ANO3: variants seen among roughly 807,000 people sequenced by gnomAD.
ANO3 encodes anoctamin 3, also known as anoctamin-3.
Under a neutral mutation model 144.8 loss-of-function variants are expected in ANO3, and 99 were observed. That is an observed-to-expected ratio of 0.68 (90% CI 0.58 to 0.81). ANO3 has a LOEUF of 0.81. Among genes scored for constraint, ANO3 ranks in the 30% least tolerant of loss-of-function variants. The probability of loss-of-function intolerance (pLI) is 0.00; values close to 1 mark genes in which losing one functional copy is unlikely to be tolerated. For synonymous variants in ANO3, 414 were observed against 392.6 expected, an observed-to-expected ratio of 1.05 and a Z score of -0.64; for missense variants, 905 against 1,202.2, an observed-to-expected ratio of 0.75 and a Z score of 3.66.
At chr11:26,196,359 T>C (rs928412480) in intron 1 of ANO3, among the ~76,000 whole-genome samples, 4 of 152,160 alleles carry the variant, frequency 2.6e-5, no homozygotes, top group African/African-American at 9.7e-5. Flanking sequence ...CTTATCTGAT[T>C]CCACAGTAGA....
chr11:26,405,812 A>C (rs7102859), intron 1 of ANO3, among the ~76,000 whole-genome samples: 95,146 of 151,740 alleles, frequency 0.63, 32,355 homozygotes, highest in Admixed American at 0.78. Flanking sequence ...TCCCTGAGAG[A>C]AGTAGTTTTC....
At chr11:26,202,447 A>T (rs1180020424) in intron 1 of ANO3, among the ~76,000 whole-genome samples, 2 of 150,888 alleles carry the variant, frequency 1.3e-5, no homozygotes, top group Admixed American at 6.7e-5. Context: ...TAGTGGGAAG[A>T]CAGCCACTTA....
chr11:26,639,343 A>G, intron 21 of ANO3, 102 bp downstream of exon 21: 1 of 779,886 alleles, frequency 1.3e-6, no homozygotes, highest in Non-Finnish European at 2.2e-6. Flanking sequence ...TAATCAGACA[A>G]ATGATGGCTC....
chr11:26,468,235 G>T (rs890202332), intron 4 of ANO3, among the ~76,000 whole-genome samples: 1 of 151,958 alleles, frequency 6.6e-6, no homozygotes. Context: ...GCTCAGCTGC[G>T]TAGCTCTTTC....
intron 1 of ANO3, among the ~76,000 whole-genome samples, chr11:26,391,510 G>A (rs1856878173): frequency 6.6e-6 from 1 of 152,080 alleles, no homozygotes; most frequent in Non-Finnish European, 1.5e-5. Context: ...TAAGAGTCAA[G>A]GGAAGGGGTA....
At chr11:26,198,544 T>C (rs1225180168) in intron 1 of ANO3, among the ~76,000 whole-genome samples, 2 of 152,160 alleles carry the variant, frequency 1.3e-5, no homozygotes, top group Non-Finnish European at 2.9e-5. Flanking sequence ...AGACAGACTT[T>C]TATAAAGAAA....
intron 5 of ANO3, among the ~76,000 whole-genome samples, chr11:26,510,955 A>G (rs1402803967): frequency 6.6e-6 from 1 of 152,194 alleles, no homozygotes; most frequent in African/African-American, 2.4e-5. Context: ...TTTAGGTTGA[A>G]TCTCAGCAGG....
chr11:26,233,182 A>G (rs1217278639), intron 1 of ANO3, among the ~76,000 whole-genome samples: 3 of 150,386 alleles, frequency 2.0e-5, no homozygotes, highest in Admixed American at 6.7e-5. Context: ...GCGCCACTGC[A>G]CTCCAGCCTG....
chr11:26,284,005 G>A (rs757264595), intron 1 of ANO3, among the ~76,000 whole-genome samples: 3 of 152,164 alleles, frequency 2.0e-5, no homozygotes, highest in Non-Finnish European at 4.4e-5. Context: ...TGACCCATGT[G>A]GGGGAACTGT....
At chr11:26,311,981 T>TAATTCTA (rs1489856405) in intron 1 of ANO3, among the ~76,000 whole-genome samples, 1 of 152,200 alleles carries the variant, frequency 6.6e-6, no homozygotes, top group Non-Finnish European at 1.5e-5. Flanking sequence ...GTATATCTCC[T>TAATTCTA]AATTCTATCC....
chr11:26,617,340 A>G (rs1441618183), intron 17 of ANO3, among the ~76,000 whole-genome samples: 2 of 152,220 alleles, frequency 1.3e-5, no homozygotes, highest in Non-Finnish European at 2.9e-5. Context: ...ATGAGGCTTA[A>G]TGTATTATTT....
At chr11:26,561,619 A>G (rs979529950) in intron 14 of ANO3, among the ~76,000 whole-genome samples, 5 of 151,938 alleles carry the variant, frequency 3.3e-5, no homozygotes, top group African/African-American at 1.2e-4. Flanking sequence ...GAAGTCAATA[A>G]TTTTTAAATT....
At chr11:26,289,512 A>G (rs1215362040) in intron 1 of ANO3, among the ~76,000 whole-genome samples, 1 of 146,152 alleles carries the variant, frequency 6.8e-6, no homozygotes. Flanking sequence ...CTAAGTATAT[A>G]TGTACATATA....
intron 14 of ANO3, chr11:26,560,162 G>T: frequency 1.2e-5 from 2 of 173,880 alleles, no homozygotes; most frequent in Non-Finnish European, 2.4e-5. Flanking sequence ...TTAACCTTAT[G>T]GTTCATACAT....
intron 4 of ANO3, among the ~76,000 whole-genome samples, chr11:26,468,211 T>C (rs931615699): frequency 6.6e-6 from 1 of 151,966 alleles, no homozygotes; most frequent in Non-Finnish European, 1.5e-5. Flanking sequence ...GCATCCGTAG[T>C]GGGCATTAGT....
chr11:26,434,904 T>G (rs771390411), intron 1 of ANO3, among the ~76,000 whole-genome samples: 1 of 152,160 alleles, frequency 6.6e-6, no homozygotes, highest in Non-Finnish European at 1.5e-5. Context: ...TCTGTTGTTT[T>G]GGGGTGGAGA....
rs112161196 is a variant in ANO3 at position 26,560,099 on chromosome 11, A to C, written c.1447+320A>C. Reference sequence around the variant, plus strand: ...CCAAATTAATCTTCTTATATTATTGATTATGAAACTGATGCTCAGTAAAAA... The same window carrying C: ...CCAAATTAATCTTCTTATATTATTGCTTATGAAACTGATGCTCAGTAAAAA... On this transcript the variant is annotated intron_variant, in intron 14 of 26. Coordinates refer to ENST00000256737, the MANE Select transcript of ANO3 (RefSeq NM_031418.4). 49 of 234,928 alleles carry C rather than the reference A, an allele frequency of 2.1e-4. 1 individual carries two copies. Among genetic ancestry groups the C allele is most frequent in the African/African-American group, 9.9e-4 (44 of 44,622 alleles). The allele number at this position is 234,928 out of a possible 1,614,324, so 14.6% of individuals were successfully genotyped here.
At chr11:26,500,462 A>AT (rs1157243306) in intron 4 of ANO3, among the ~76,000 whole-genome samples, 2 of 151,950 alleles carry the variant, frequency 1.3e-5, no homozygotes, top group African/African-American at 2.4e-5. Context: ...GTCAATACTT[A>AT]TTTTTTGTCT....
At position 26,660,234 on chromosome 11, in the gene ANO3, A is replaced by G. The variant is rs761944465; in HGVS notation, c.2764-28A>G. 1.9e-6 allele frequency: 3 copies of G among 1,605,326 alleles called. No individual in the cohort carries two copies. The South Asian group carries it at 3.3e-5, about 18-fold the overall frequency. Reference sequence around the variant, plus strand: ...AATTAGCATTTCAGAATCTTTGAAAACTGTCCTTTTCACATTTAAATTTGC... The same window carrying G: ...AATTAGCATTTCAGAATCTTTGAAAGCTGTCCTTTTCACATTTAAATTTGC... On this transcript the variant is annotated intron_variant, in intron 26 of 26. Coordinates refer to ENST00000256737, the MANE Select transcript of ANO3 (RefSeq NM_031418.4).
Sources: allele counts gnomAD v4.1 joint callset (sites outside exome capture counted in the v4.1 genomes callset), GRCh38; gene constraint gnomAD v4.1.1; transcripts MANE v1.5; gene names NCBI Gene and HGNC (gene_info 2026-07-23, HGNC 2026-07-21).